The following ALMS1 variants were observed in gnomAD, a reference collection of about 807,000 sequenced individuals.
ALMS1 encodes the protein ALMS1 centrosome and basal body associated protein.
ALMS1 carries 271 observed loss-of-function variants against 352.2 expected under a neutral mutation model. That is an observed-to-expected ratio of 0.77 (90% confidence interval 0.70 to 0.85). ALMS1 has a LOEUF of 0.85. ALMS1 is among the 40% of genes least tolerant of loss of function. The pLI, the probability that ALMS1 is intolerant of heterozygous loss-of-function variation, is 0.00. For missense variants in ALMS1, 5,445 were observed against 4,870.7 expected (o/e 1.12, Z -3.51); for synonymous variants, 1,865 against 1,761.2 (o/e 1.06, Z -1.48).
intron 2 of ALMS1, among the ~76,000 whole-genome samples, chr2:73,413,756 T>C (rs1382411731): frequency 6.6e-6 from 1 of 152,246 alleles, no homozygotes; most frequent in Non-Finnish European, 1.5e-5. Flanking sequence ...AGCTGTATTT[T>C]CTTACATATG....
intron 9 of ALMS1, chr2:73,469,960 A>T (rs764430392): frequency 5.9e-5 from 9 of 151,910 alleles, no homozygotes; most frequent in Non-Finnish European, 1.0e-4. Context: ...GTTCCAATAC[A>T]CTAACAAAAA....
chr2:73,503,545 G>C (rs544981007), intron 10 of ALMS1, among the ~76,000 whole-genome samples: 1 of 152,244 alleles, frequency 6.6e-6, no homozygotes, highest in South Asian at 2.1e-4. Flanking sequence ...TGTGAATAGT[G>C]CCGCAATAAA....
chr2:73,586,114 G>A (rs370018392), intron 16 of ALMS1, among the ~76,000 whole-genome samples: 3 of 152,016 alleles, frequency 2.0e-5, no homozygotes, highest in Admixed American at 6.6e-5. Flanking sequence ...CCCACTTTTT[G>A]TTGGGATTAT....
At chr2:73,582,883 T>C (rs1338133075) in intron 16 of ALMS1, among the ~76,000 whole-genome samples, 16 of 152,226 alleles carry the variant, frequency 1.1e-4, no homozygotes, top group Admixed American at 1.0e-3. Context: ...TTCTTTGGGA[T>C]ACATACCCAG....
In ALMS1 at chr2:73,530,346, A is replaced by G. The variant is rs1461635020; in HGVS notation, c.9782-4478A>G. ...AACAAAGGGATTACAGGCCCCATGC[A>G]AGTTGAAAACCTGGCTGGGCAGTCA... is the stretch of plus-strand genomic sequence containing the variant. On this transcript the variant is annotated intron_variant, in intron 11 of 22. Transcript: ENST00000613296. Among the ~76,000 whole-genome samples, 4 of 152,226 alleles carry G rather than the reference A, an allele frequency of 2.6e-5. No individual in the cohort carries two copies. The East Asian group carries it at 7.7e-4, about 29-fold the overall frequency.
Position 73,451,822 on chromosome 2 carries a change from T to C in ALMS1, c.5295T>C (p.Pro1765=), listed in dbSNP as rs1671947534. 6.2e-7 allele frequency: 1 copy of C among 1,613,726 alleles called. No homozygotes were observed. The highest frequency in any genetic ancestry group is 2.2e-5 in the East Asian group (1 of 44,806). Residue 1765 remains proline (P), a synonymous_variant, in exon 8 of 23, where the codon CCT becomes CCC. Transcript: ENST00000613296. ...CTTTCTATTCACATACAGAGAAGCC[T>C]AATATTTCTTACCAGCAAGAGTTGC... ...TSSFYSHTEK[P]NISYQQELPD... is the part of the protein sequence containing the mutation.
chr2:73,468,516 C>T (rs1344424314), intron 9 of ALMS1, among the ~76,000 whole-genome samples: 1 of 151,964 alleles, frequency 6.6e-6, no homozygotes, highest in Non-Finnish European at 1.5e-5. Context: ...AAAACTGAAA[C>T]TTATACCCAT....
chr2:73,402,204 G>A (rs1414911948), intron 1 of ALMS1, among the ~76,000 whole-genome samples: 2 of 150,706 alleles, frequency 1.3e-5, no homozygotes, highest in East Asian at 3.9e-4. Flanking sequence ...TTTTTACCCA[G>A]AAATGGAATT....
chr2:73,496,193 T>C (rs1673102895), intron 10 of ALMS1, among the ~76,000 whole-genome samples: 1 of 152,230 alleles, frequency 6.6e-6, no homozygotes, highest in Non-Finnish European at 1.5e-5. Context: ...CAGTTTCATA[T>C]GAGCAGTTCC....
At chr2:73,523,871 G>C (rs1049301301) in intron 11 of ALMS1, among the ~76,000 whole-genome samples, 1 of 152,064 alleles carries the variant, frequency 6.6e-6, no homozygotes, top group Non-Finnish European at 1.5e-5. Context: ...TTATTAACTA[G>C]AGATGAGCAA....
At chr2:73,494,359 T>C (rs1347352333) in intron 10 of ALMS1, among the ~76,000 whole-genome samples, 1 of 149,740 alleles carries the variant, frequency 6.7e-6, no homozygotes, top group Non-Finnish European at 1.5e-5. Context: ...TAACCTTTAC[T>C]GAAGCTTCCA....
chr2:73,516,927 AAGG>A (rs1280721222), intron 10 of ALMS1, among the ~76,000 whole-genome samples: 4 of 152,112 alleles, frequency 2.6e-5, no homozygotes, highest in Non-Finnish European at 5.9e-5. Context: ...CAAATGTTTT[AAGG>A]AGGAGAGCTG....
intron 12 of ALMS1, among the ~76,000 whole-genome samples, chr2:73,536,958 T>C (rs79890520): frequency 0.011 from 1,705 of 152,264 alleles, 31 homozygotes; most frequent in African/African-American, 0.038. Flanking sequence ...TTCAGAAATA[T>C]AGCTTTCTTT....
Position 73,447,979 on chromosome 2 carries a change from C to T in ALMS1, c.1452C>T (p.Gly484=), listed in dbSNP as rs758794145. ...CTTTAGGAGACACTTCTAAAGGAGG[C>T]ATAGCTAAAGTTACTCAATCCAACT... The part of the protein sequence containing the change: ...HLKAGDTSKG[G]IAKVTQSNLK... Residue 484 remains glycine (G), a synonymous_variant, in exon 8 of 23, where the codon GGC becomes GGT. Coordinates refer to ENST00000613296, the MANE Select transcript of ALMS1 (RefSeq NM_001378454.1). 2.5e-6 allele frequency: 4 copies of T among 1,612,082 alleles called. No individual in the cohort carries two copies. The highest frequency in any genetic ancestry group is 2.7e-5 in the African/African-American group (2 of 74,800).
chr2:73,601,479 A>G, intron 19 of ALMS1, 43 bp downstream of exon 19: 2 of 1,603,874 alleles, frequency 1.2e-6, no homozygotes, highest in South Asian at 2.2e-5. Context: ...GTGTAGGGAG[A>G]AGAAGGGCAA....
intron 10 of ALMS1, among the ~76,000 whole-genome samples, chr2:73,492,400 C>CT (rs1370947627): frequency 6.6e-5 from 10 of 152,182 alleles, no homozygotes; most frequent in African/African-American, 2.4e-4. Flanking sequence ...GATGATATCT[C>CT]TATTTTCCTA....
Position 73,589,015 on chromosome 2 carries a change from A to ATG in ALMS1, c.11548-10385_11548-10384insGT, listed in dbSNP as rs1368708349. 4.6e-5 allele frequency among the ~76,000 whole-genome samples: 7 copies of ATG among 152,146 alleles called. No individual in the cohort carries two copies. The East Asian group carries it at 1.3e-3, about 29-fold the overall frequency. Reference sequence around the variant, plus strand: ...TCCAAATATACATACCTATGTGTATATATATATACGTATACATATCAGTAT... The same window carrying ATG: ...TCCAAATATACATACCTATGTGTATATGTATATATACGTATACATATCAGTAT... On this transcript the variant is annotated intron_variant, in intron 16 of 22. Transcript: ENST00000613296.
intron 1 of ALMS1, among the ~76,000 whole-genome samples, chr2:73,394,776 G>A (rs186966193): frequency 1.3e-4 from 19 of 151,986 alleles, no homozygotes; most frequent in Admixed American, 9.2e-4. Flanking sequence ...TATAGTGTAC[G>A]TACACAAACC....
At chr2:73,499,321 T>G (rs1673172936) in intron 10 of ALMS1, among the ~76,000 whole-genome samples, 2 of 152,184 alleles carry the variant, frequency 1.3e-5, no homozygotes, top group African/African-American at 2.4e-5. Context: ...CTTTATTGAT[T>G]GTACCCTTTG....
Sources: gnomAD v4.1 joint callset for allele counts (sites outside exome capture counted in the v4.1 genomes callset) on GRCh38, gnomAD v4.1.1 for gene constraint, MANE v1.5 for transcripts, NCBI Gene and HGNC (gene_info 2026-07-23, HGNC 2026-07-21) for gene names.